Variants in BANK1 observed in about 807,000 individuals in gnomAD.
The protein encoded by BANK1 is B-cell scaffold protein with ankyrin repeats.
Under a neutral mutation model 94.5 loss-of-function variants are expected in BANK1, and 95 were observed. The observed-to-expected ratio is 1.00, with a 90% CI of 0.85 to 1.19. The LOEUF is 1.19. Among genes scored for constraint, BANK1 ranks in the 50% most tolerant of loss-of-function variants. The pLI is 0.00. For synonymous variants in BANK1, 334 were observed against 308.4 expected (o/e 1.08, Z -0.87); for missense variants, 987 against 932.2 (o/e 1.06, Z -0.77).
chr4:101,834,322 T>G (rs945738760), intron 2 of BANK1, among the ~76,000 whole-genome samples: 2 of 152,206 alleles, frequency 1.3e-5, no homozygotes, highest in African/African-American at 4.8e-5. Context: ...CTCTGATTTC[T>G]TAGAGTAACT....
chr4:101,952,255 A>T (rs1446639547), intron 7 of BANK1, among the ~76,000 whole-genome samples: 1 of 152,066 alleles, frequency 6.6e-6, no homozygotes, highest in Admixed American at 6.6e-5. Context: ...AAAAAATAAA[A>T]ATGGCTTGGT....
intron 7 of BANK1, among the ~76,000 whole-genome samples, chr4:101,991,260 C>T (rs1011285515): frequency 6.6e-6 from 1 of 152,182 alleles, no homozygotes; most frequent in Non-Finnish European, 1.5e-5. Flanking sequence ...AAGAACCCTT[C>T]TCATTTAGAA....
intron 6 of BANK1, among the ~76,000 whole-genome samples, chr4:101,912,299 C>T (rs1256896592): frequency 6.6e-6 from 1 of 152,114 alleles, no homozygotes; most frequent in African/African-American, 2.4e-5. Context: ...TGGATTCTGC[C>T]ATTACCAAAT....
At chr4:101,792,459 GTGTGTGTGTGTTTTT>G (rs1725023124) in intron 1 of BANK1, among the ~76,000 whole-genome samples, 2 of 97,936 alleles carry the variant, frequency 2.0e-5, no homozygotes, top group South Asian at 9.6e-4. Context: ...GTGTGTGTGT[GTGTGTGTGTGTTTTT>G]TTTTTTTTAA....
rs936582464 is a variant in BANK1 at position 101,855,004 on chromosome 4, T to C, written c.470-31T>C. 2.6e-6 allele frequency: 4 copies of C among 1,545,956 alleles called. No homozygotes were observed. In the African/African-American group the frequency reaches 5.5e-5, roughly 21 times the overall value. The stretch of plus-strand genomic sequence containing the variant: ...AGGAAATACTGTGGCTTTAGTTATA[T>C]TATAATCTACATTCATAAAATTTTC... On this transcript the variant is annotated intron_variant, in intron 2 of 16. Coordinates refer to ENST00000322953, the MANE Select transcript of BANK1 (RefSeq NM_017935.5).
chr4:101,829,919 G>A lies in BANK1; in HGVS notation c.182G>A (p.Arg61His), dbSNP rs10516487. The A allele has an allele frequency of 0.29, 465,687 of 1,612,802 alleles. 69,684 individuals carry two copies. Among genetic ancestry groups the A allele is most frequent in the Non-Finnish European group, 0.31 (363,494 of 1,179,158 alleles). Residue 61 changes from arginine to histidine, a missense_variant, in exon 2 of 17, where the codon CGC becomes CAC. Coordinates refer to ENST00000322953, the MANE Select transcript of BANK1 (RefSeq NM_017935.5). ...VVKREAILLY[R>H]LENFSFRHLE... ...AAAAGGGAAGCCATCCTGTTATATCGCTTGGAGAATTTCTCTTTTCGGCAT... is the reference window on the plus strand; with the variant it reads ...AAAAGGGAAGCCATCCTGTTATATCACTTGGAGAATTTCTCTTTTCGGCAT...
chr4:101,899,901 C>A (rs1346943807), intron 6 of BANK1, among the ~76,000 whole-genome samples: 2 of 152,128 alleles, frequency 1.3e-5, no homozygotes, highest in Admixed American at 1.3e-4. Context: ...TCTAACACTG[C>A]GAAGCATAGG....
At chr4:101,863,093 C>T (rs558779567) in intron 4 of BANK1, among the ~76,000 whole-genome samples, 3 of 151,836 alleles carry the variant, frequency 2.0e-5, no homozygotes, top group African/African-American at 7.2e-5. Flanking sequence ...CTCTGAAAAG[C>T]ATTTTTTCCC....
chr4:101,979,516 T>C lies in BANK1; in HGVS notation c.1207-41998T>C, dbSNP rs556863289. Among the ~76,000 whole-genome samples, 12 of 151,998 alleles carry C rather than the reference T, an allele frequency of 7.9e-5. No individual in the cohort carries two copies. In the East Asian group the frequency reaches 2.3e-3, roughly 29 times the overall value. Reference sequence around the variant, plus strand: ...AACATTTTTTTGAGAATAAGTTGTTTTCAGAAAGACATATAAACTGAGAGA... The same window carrying C: ...AACATTTTTTTGAGAATAAGTTGTTCTCAGAAAGACATATAAACTGAGAGA... On this transcript the variant is annotated intron_variant, in intron 7 of 16. Coordinates refer to ENST00000322953, the MANE Select transcript of BANK1 (RefSeq NM_017935.5).
chr4:102,057,887 C>T (rs1728283457), intron 11 of BANK1, among the ~76,000 whole-genome samples: 1 of 152,006 alleles, frequency 6.6e-6, no homozygotes, highest in Non-Finnish European at 1.5e-5. Context: ...AAAATAATTA[C>T]ATATGTAATA....
At chr4:101,836,729 G>T (rs1396341926) in intron 2 of BANK1, among the ~76,000 whole-genome samples, 2 of 152,124 alleles carry the variant, frequency 1.3e-5, no homozygotes, top group Non-Finnish European at 2.9e-5. Flanking sequence ...AAATCAAACT[G>T]GGAGATTTTT....
intron 7 of BANK1, among the ~76,000 whole-genome samples, chr4:101,950,422 C>G (rs757216092): frequency 1.3e-5 from 2 of 152,078 alleles, no homozygotes; most frequent in Non-Finnish European, 2.9e-5. Context: ...GAACTAAGAT[C>G]TAAATGAATA....
chr4:101,869,772 T>C (rs1194507167), intron 4 of BANK1, among the ~76,000 whole-genome samples: 1 of 151,980 alleles, frequency 6.6e-6, no homozygotes, highest in Non-Finnish European at 1.5e-5. Context: ...TTTAAAGAAT[T>C]ACATTTTGTT....
At chr4:102,027,171 G>A (rs977152268) in intron 9 of BANK1, among the ~76,000 whole-genome samples, 1 of 152,196 alleles carries the variant, frequency 6.6e-6, no homozygotes, top group Middle Eastern at 3.4e-3. Flanking sequence ...TGAATAATTT[G>A]TTATAACAAA....
At chr4:101,812,003 A>T (rs1034180512) in intron 1 of BANK1, among the ~76,000 whole-genome samples, 5 of 152,028 alleles carry the variant, frequency 3.3e-5, no homozygotes, top group Non-Finnish European at 7.4e-5. Context: ...CTATTACATA[A>T]ACATATAAAC....
chr4:101,794,790 C>T (rs956109001), intron 1 of BANK1, among the ~76,000 whole-genome samples: 4 of 152,048 alleles, frequency 2.6e-5, no homozygotes, highest in Non-Finnish European at 5.9e-5. Context: ...CTGAAATAAT[C>T]CAGAAAGATG....
intron 7 of BANK1, among the ~76,000 whole-genome samples, chr4:102,007,937 A>C (rs1270177248): frequency 6.6e-6 from 1 of 152,224 alleles, no homozygotes; most frequent in Non-Finnish European, 1.5e-5. Context: ...TATGAAGTTC[A>C]AATATGCTTT....
At chr4:102,044,043 T>C in intron 11 of BANK1, 136 bp downstream of exon 11, 1 of 495,412 alleles carries the variant, frequency 2.0e-6, no homozygotes, top group Non-Finnish European at 3.6e-6. Context: ...TTTTTATTAT[T>C]ATTATACTTT....
intron 1 of BANK1, among the ~76,000 whole-genome samples, chr4:101,822,081 G>A (rs903441500): frequency 5.9e-5 from 9 of 152,152 alleles, no homozygotes; most frequent in Non-Finnish European, 7.3e-5. Context: ...TTGGCAAGGC[G>A]TGGTGGCTCA....
Sources: gnomAD v4.1 joint callset for allele counts (sites outside exome capture counted in the v4.1 genomes callset) on GRCh38, gnomAD v4.1.1 for gene constraint, MANE v1.5 for transcripts, NCBI Gene and HGNC (gene_info 2026-07-23, HGNC 2026-07-21) for gene names.